The following PHF2 variants were observed in gnomAD, a reference collection of about 807,000 sequenced individuals.
PHF2 encodes PHD finger protein 2.
A neutral mutation model predicts 120.5 loss-of-function variants in PHF2; 27 were observed. The ratio of observed to expected loss-of-function variants is 0.22; its 90% CI spans 0.17 to 0.31. PHF2 has a LOEUF of 0.31. PHF2 is among the 10% of genes least tolerant of loss of function. PHF2 has a pLI of 1.00. For missense variants in PHF2, 1,024 were observed against 1,434.8 expected, an observed-to-expected ratio of 0.71 and a Z score of 4.63; for synonymous variants, 568 against 592.5, an observed-to-expected ratio of 0.96 and a Z score of 0.60.
Position 93,602,247 on chromosome 9 carries a change from CTTTTTTTTTTTTTT to C in PHF2, c.98+25386_98+25399del, listed in dbSNP as rs67001312. 7.3e-3 allele frequency among the ~76,000 whole-genome samples: 584 copies of C among 79,724 alleles called. 7 individuals carry two copies. The highest frequency in any genetic ancestry group is 0.03 in the African/African-American group (554 of 18,772). The allele number at this position is 79,724 out of a possible 152,430, so 52.3% of individuals were successfully genotyped here. A position where few individuals can be genotyped will look rare whatever the true frequency, so the allele number is the denominator to read the frequency against. On this transcript the variant is annotated intron_variant, in intron 1 of 21. Coordinates refer to ENST00000359246, the MANE Select transcript of PHF2 (RefSeq NM_005392.4). ...AAGTCATTTTGCATTCCTAGAGATT[CTTTTTTTTTTTTTT>C]TTTTTTTTTGAGATGGAATCTTGCT...
chr9:93,642,848 T>G (rs1219248584), intron 3 of PHF2, among the ~76,000 whole-genome samples: 1 of 152,226 alleles, frequency 6.6e-6, no homozygotes, highest in East Asian at 1.9e-4. Context: ...TTTTCAGCCA[T>G]CTACTGTTTA....
intron 1 of PHF2, among the ~76,000 whole-genome samples, chr9:93,626,107 A>T (rs1401716745): frequency 2.0e-5 from 3 of 152,086 alleles, no homozygotes; most frequent in African/African-American, 4.8e-5. Flanking sequence ...GCCAGGCGTG[A>T]TGGCAGGCAC....
In PHF2 at chr9:93,663,508, G is replaced by C. The variant is rs147562514; in HGVS notation, c.1819-9G>C. ...GGGGCTCAGGGACGGCCCTGGTCTT[G>C]CTTTTCAGAACAGCAAACCTGACTC... On this transcript the variant is annotated splice_polypyrimidine_tract_variant and intron_variant, in intron 13 of 21. Transcript: ENST00000359246. The C allele has an allele frequency of 6.0e-4, 959 of 1,589,164 alleles. No homozygotes were observed. The African/African-American group carries it at 0.011, about 18-fold the overall frequency.
At chr9:93,661,182 G>A (rs888297354) in intron 12 of PHF2, among the ~76,000 whole-genome samples, 4 of 152,160 alleles carry the variant, frequency 2.6e-5, no homozygotes, top group Non-Finnish European at 4.4e-5. Flanking sequence ...GACCCACTCT[G>A]ACTAGAGGAT....
At chr9:93,630,203 C>A in intron 2 of PHF2, 148 bp downstream of exon 2, 1 of 717,236 alleles carries the variant, frequency 1.4e-6, no homozygotes, top group East Asian at 2.7e-5. Context: ...GCCTGGGGAC[C>A]CTGCCAGCCT....
In PHF2 at chr9:93,673,765, A is replaced by G. The variant is rs1251830017; in HGVS notation, c.2529A>G (p.Lys843=). Residue 843 remains lysine (K), a synonymous_variant, in exon 18 of 22, where the codon AAA becomes AAG. Coordinates refer to ENST00000359246, the MANE Select transcript of PHF2 (RefSeq NM_005392.4). ...GTGGCAGTGGCAAGAGTGCAGGCAA[A>G]CGACTGCTGAAGAGGGCTGCCAAGA... The part of the protein sequence containing the change: ...NGGGSGKSAG[K]RLLKRAAKNS... 3.7e-6 allele frequency: 6 copies of G among 1,613,312 alleles called. No homozygotes were observed. Among genetic ancestry groups the G allele is most frequent in the African/African-American group, 1.3e-5 (1 of 74,900 alleles).
At chr9:93,669,702 G>A (rs1564402350) in intron 17 of PHF2, among the ~76,000 whole-genome samples, 1 of 152,196 alleles carries the variant, frequency 6.6e-6, no homozygotes, top group Non-Finnish European at 1.5e-5. Flanking sequence ...CCTCAGCACT[G>A]TCCAGCATGG....
chr9:93,659,746 G>A (rs10992835), intron 11 of PHF2, 146 bp downstream of exon 11: 10,158 of 717,716 alleles, frequency 0.014, 156 homozygotes, highest in Middle Eastern at 0.069. Context: ...GCACTTTCCT[G>A]GGCAAGCTTG....
chr9:93,616,951 C>A (rs1283432604), intron 1 of PHF2, among the ~76,000 whole-genome samples: 1 of 152,092 alleles, frequency 6.6e-6, no homozygotes, highest in Non-Finnish European at 1.5e-5. Flanking sequence ...CCACTGCACC[C>A]AGCCAATTTT....
At chr9:93,641,371 A>T (rs1161133211) in intron 3 of PHF2, among the ~76,000 whole-genome samples, 1 of 152,242 alleles carries the variant, frequency 6.6e-6, no homozygotes, top group East Asian at 1.9e-4. Context: ...GTTATCACTT[A>T]AGTGTTCCTA....
intron 1 of PHF2, among the ~76,000 whole-genome samples, chr9:93,615,108 G>GGTGATA (rs1825703391): frequency 6.6e-6 from 1 of 151,438 alleles, no homozygotes; most frequent in Non-Finnish European, 1.5e-5. Flanking sequence ...TAATAAAGAT[G>GGTGATA]GTGATGGTGA....
At chr9:93,599,986 C>G (rs1481798124) in intron 1 of PHF2, among the ~76,000 whole-genome samples, 2 of 152,206 alleles carry the variant, frequency 1.3e-5, no homozygotes, top group Admixed American at 1.3e-4. Flanking sequence ...AGGAACAGCC[C>G]CGGGGATTCC....
In PHF2 at chr9:93,576,866, C is replaced by T. The variant is rs757260138; in HGVS notation, c.93C>T (p.His31=). The change falls in exon 1 of 22, where the codon CAC becomes CAT. Residue 31 remains histidine, a synonymous_variant. Transcript: ENST00000359246. The part of the protein sequence containing the change: ...IECDACKDWF[H]GSCVGVEEEE... ...GCGACGCCTGCAAGGACTGGTTCCA[C>T]GGCAGGTGAGCGCGCGGCGGCTGCT... The T allele has an allele frequency of 1.5e-5, 19 of 1,238,180 alleles. No individual in the cohort carries two copies. The highest frequency in any genetic ancestry group is 1.9e-5 in the Non-Finnish European group (18 of 952,358). The allele number at this position is 1,238,180 out of a possible 1,614,324, so 76.7% of individuals were successfully genotyped here.
intron 2 of PHF2, among the ~76,000 whole-genome samples, chr9:93,631,226 C>G (rs1441744534): frequency 6.6e-6 from 1 of 152,200 alleles, no homozygotes; most frequent in Non-Finnish European, 1.5e-5. Context: ...CTCTGAGGAC[C>G]TGGCTGCTCT....
intron 2 of PHF2, among the ~76,000 whole-genome samples, chr9:93,633,730 G>A (rs534522878): frequency 1.3e-5 from 2 of 152,166 alleles, no homozygotes; most frequent in South Asian, 2.1e-4. Context: ...AGGTGTAGCC[G>A]GGGGCCCCTG....
chr9:93,625,464 G>A (rs1825898305), intron 1 of PHF2, among the ~76,000 whole-genome samples: 1 of 133,552 alleles, frequency 7.5e-6, no homozygotes, highest in Admixed American at 7.3e-5. Context: ...ATTTGTTTGA[G>A]TACCTTTTTT....
At chr9:93,632,235 C>T (rs981174524) in intron 2 of PHF2, among the ~76,000 whole-genome samples, 4 of 152,208 alleles carry the variant, frequency 2.6e-5, no homozygotes, top group Admixed American at 6.5e-5. Context: ...CTGTCTCCTA[C>T]GGCCAGCTGC....
At chr9:93,667,269 G>A (rs749782485) in intron 17 of PHF2, 29 bp downstream of exon 17, 4 of 1,597,296 alleles carry the variant, frequency 2.5e-6, no homozygotes, top group Non-Finnish European at 3.4e-6. Flanking sequence ...CAGCACCCAA[G>A]AGCGGGGACC....
At chr9:93,673,937 A>G in intron 18 of PHF2, 75 bp downstream of exon 18, 1 of 1,441,330 alleles carries the variant, frequency 6.9e-7, no homozygotes, top group Non-Finnish European at 9.3e-7. Context: ...AGACAGTAGC[A>G]TAAACATGCA....
Sources: allele counts gnomAD v4.1 joint callset (sites outside exome capture counted in the v4.1 genomes callset), GRCh38; gene constraint gnomAD v4.1.1; transcripts MANE v1.5; gene names NCBI Gene and HGNC (gene_info 2026-07-23, HGNC 2026-07-21).